ENG: variants seen among roughly 807,000 people sequenced by gnomAD.
ENG encodes CD105 antigen.
ENG carries 17 observed loss-of-function variants against 71.0 expected under a neutral mutation model. The observed-to-expected ratio is 0.24, with a 90% CI of 0.16 to 0.36. The LOEUF (loss-of-function observed/expected upper bound fraction) is 0.36. ENG is among the 10% of genes least tolerant of loss of function. The pLI, the probability that ENG is intolerant of heterozygous loss-of-function variation, is 1.00. For missense variants in ENG, 749 were observed against 868.3 expected (o/e 0.86, Z 1.73); for synonymous variants, 360 against 366.9 (o/e 0.98, Z 0.21).
At position 127,820,014 on chromosome 9, in the gene ENG, G is replaced by A; in HGVS notation, c.1158C>T (p.Gly386=). Residue 386 remains glycine, a synonymous_variant, in exon 9 of 15, where the codon GGC becomes GGT. Transcript: ENST00000373203. ...LVAHLKCTIT[G]LTFWDPSCEA... is the part of the protein sequence containing the mutation. Reference sequence around the variant, plus strand: ...CACAGCTGGGGTCCCAGAAGGTCAGGCCCGTGATGGTGCACTTCAAATGCT... The same window carrying A: ...CACAGCTGGGGTCCCAGAAGGTCAGACCCGTGATGGTGCACTTCAAATGCT... The A allele has an allele frequency of 1.9e-6, 3 of 1,614,030 alleles. No individual in the cohort carries two copies. Among genetic ancestry groups the A allele is most frequent in the East Asian group, 2.2e-5 (1 of 44,872 alleles).
chr9:127,832,115 G>A (rs1239916718), intron 2 of ENG, among the ~76,000 whole-genome samples: 3 of 109,008 alleles, frequency 2.8e-5, no homozygotes, highest in Non-Finnish European at 5.2e-5. Flanking sequence ...TTGCTCTGTT[G>A]CCCAGGCTGG....
chr9:127,852,222 G>A (rs938124046), intron 1 of ENG, among the ~76,000 whole-genome samples: 1 of 152,206 alleles, frequency 6.6e-6, no homozygotes, highest in African/African-American at 2.4e-5. Context: ...CATCTTTACA[G>A]AGTTGGACGA....
intron 1 of ENG, 135 bp from the exon 2 acceptor site, chr9:127,843,380 G>T: frequency 8.5e-7 from 1 of 1,174,180 alleles, no homozygotes; most frequent in Non-Finnish European, 1.2e-6. Context: ...TTATGAGGTG[G>T]ATATCATTAT....
intron 8 of ENG, among the ~76,000 whole-genome samples, chr9:127,821,751 T>C (rs145841271): frequency 0.026 from 3,930 of 150,172 alleles, 176 homozygotes; most frequent in African/African-American, 0.091. Context: ...AGAGTGGTGG[T>C]GGGCACCTGT....
chr9:127,817,058 A>G (rs776673669), intron 13 of ENG, 91 bp downstream of exon 13: 82 of 1,460,100 alleles, frequency 5.6e-5, no homozygotes, highest in East Asian at 2.0e-4. Flanking sequence ...GCCATGTGCT[A>G]TGTGCCCAGG....
chr9:127,832,069 CTTTTTTTTTTTT>C (rs1041729379), intron 2 of ENG, among the ~76,000 whole-genome samples: 1 of 83,642 alleles, frequency 1.2e-5, no homozygotes, highest in Non-Finnish European at 2.2e-5. Context: ...AGCTACCATT[CTTTTTTTTTTTT>C]TTTTTTTTTT....
intron 1 of ENG, among the ~76,000 whole-genome samples, chr9:127,845,484 C>A (rs1366916858): frequency 6.6e-6 from 1 of 152,192 alleles, no homozygotes; most frequent in Non-Finnish European, 1.5e-5. Flanking sequence ...CTCTGGAGTG[C>A]CTGGACATAG....
intron 2 of ENG, among the ~76,000 whole-genome samples, chr9:127,831,183 C>T (rs1169752544): frequency 7.0e-6 from 1 of 142,158 alleles, no homozygotes; most frequent in East Asian, 2.0e-4. Context: ...TTTTTAGAGA[C>T]AGAGTCTCCC....
intron 2 of ENG, among the ~76,000 whole-genome samples, chr9:127,839,380 G>A (rs1564461318): frequency 6.6e-6 from 1 of 152,086 alleles, no homozygotes; most frequent in South Asian, 2.1e-4. Context: ...TGCCTCCCAG[G>A]GAAACCACAG....
rs1807219889 is a variant in ENG, at chr9:127,815,811, G to A, written c.1853-5C>T. On this transcript the variant is annotated splice_region_variant and splice_polypyrimidine_tract_variant and intron_variant, in intron 14 of 14. Transcript: ENST00000373203. ...GCTCCCGCTTGCTGGGGGAACCTGGGAGCGGGAGCGGGGGCAGGGGCGGAG... is the reference window on the plus strand; with the variant it reads ...GCTCCCGCTTGCTGGGGGAACCTGGAAGCGGGAGCGGGGGCAGGGGCGGAG... The A allele has an allele frequency of 1.3e-6, 2 of 1,546,352 alleles. No homozygotes were observed. The highest frequency in any genetic ancestry group is 1.7e-6 in the Non-Finnish European group (2 of 1,146,318).
intron 8 of ENG, among the ~76,000 whole-genome samples, chr9:127,821,923 G>A (rs1313211129): frequency 2.2e-5 from 3 of 138,432 alleles, no homozygotes; most frequent in Admixed American, 7.4e-5. Context: ...GGTGGTGCAC[G>A]CCTGTATTCC....
At chr9:127,841,964 T>C (rs1831043620) in intron 2 of ENG, among the ~76,000 whole-genome samples, 2 of 152,210 alleles carry the variant, frequency 1.3e-5, no homozygotes, top group South Asian at 4.1e-4. Context: ...GGAGGCTTAA[T>C]ACATGTGAGA....
chr9:127,830,149 C>A (rs1162096570), intron 2 of ENG, among the ~76,000 whole-genome samples: 1 of 151,846 alleles, frequency 6.6e-6, no homozygotes, highest in Admixed American at 6.6e-5. Context: ...GGAGACCAGC[C>A]TGACCAACAT....
chr9:127,826,740 G>T, intron 3 of ENG, 68 bp from the exon 4 acceptor site: 1 of 1,588,684 alleles, frequency 6.3e-7, no homozygotes. Flanking sequence ...CATGTAGGAG[G>T]TCAGGAAGTA....
At chr9:127,827,002 G>A in intron 3 of ENG, 1 of 367,678 alleles carries the variant, frequency 2.7e-6, no homozygotes, top group Admixed American at 3.7e-5. Flanking sequence ...CTGAGGCTCT[G>A]GATCTCCCTA....
rs1830479344 is a variant in ENG at position 127,821,991 on chromosome 9, A to G, written c.1135-1954T>C. Among the ~76,000 whole-genome samples, 3 of 150,720 alleles carry G rather than the reference A, an allele frequency of 2.0e-5. No individual in the cohort carries two copies. The South Asian group carries it at 6.5e-4, about 33-fold the overall frequency. ...CTTGAACCCGGGAGGTGGAGGTTGC[A>G]GTGAGCCGAGATTGTACCACTGAAC... On this transcript the variant is annotated intron_variant, in intron 8 of 14. Transcript: ENST00000373203.
intron 13 of ENG, chr9:127,816,496 C>G (rs1273416547): frequency 3.4e-6 from 1 of 296,042 alleles, no homozygotes; most frequent in East Asian, 8.2e-5. Context: ...TGCTCCAAGC[C>G]TCATTCCCTC....
chr9:127,835,744 G>C (rs1830885376), intron 2 of ENG, among the ~76,000 whole-genome samples: 1 of 152,100 alleles, frequency 6.6e-6, no homozygotes, highest in Admixed American at 6.6e-5. Context: ...TTGGGAACCA[G>C]TACCAGGTTG....
intron 8 of ENG, chr9:127,821,357 AGAG>A (rs761793577): frequency 2.0e-5 from 3 of 151,694 alleles, no homozygotes; most frequent in African/African-American, 7.3e-5. Context: ...CTTGAACCTG[AGAG>A]GAGGAGGCTG....
Sources: allele counts gnomAD v4.1 joint callset (sites outside exome capture counted in the v4.1 genomes callset), GRCh38; gene constraint gnomAD v4.1.1; transcripts MANE v1.5; gene names NCBI Gene and HGNC (gene_info 2026-07-23, HGNC 2026-07-21).